The following SAMD8 variants were observed in gnomAD, a reference collection of about 807,000 sequenced individuals.
SAMD8 encodes the protein sterile alpha motif domain containing 8.
In SAMD8, 20 loss-of-function variants were observed where a neutral mutation model predicts 42.0. The ratio of observed to expected loss-of-function variants is 0.48; its 90% confidence interval spans 0.34 to 0.69. The LOEUF is 0.69. Ranked by LOEUF, SAMD8 falls within the 30% of genes least tolerant of loss-of-function variation. The probability of loss-of-function intolerance (pLI) is 0.01; values close to 1 mark genes in which losing one functional copy is unlikely to be tolerated. For synonymous variants in SAMD8, 162 were observed against 173.0 expected, an observed-to-expected ratio of 0.94 and a Z score of 0.50; for missense variants, 328 against 511.6, an observed-to-expected ratio of 0.64 and a Z score of 3.46.
At chr10:75,126,110 CTATT>C (rs1361683151) in intron 1 of SAMD8, among the ~76,000 whole-genome samples, 4 of 152,128 alleles carry the variant, frequency 2.6e-5, no homozygotes, top group Middle Eastern at 3.4e-3. Context: ...ATTTATTGAT[CTATT>C]TATTTATTTT....
chr10:75,135,225 G>T (rs1454004329), intron 1 of SAMD8, among the ~76,000 whole-genome samples: 1 of 151,964 alleles, frequency 6.6e-6, no homozygotes, highest in Non-Finnish European at 1.5e-5. Flanking sequence ...GGCCGAGGCG[G>T]GCTGATCACC....
intron 1 of SAMD8, among the ~76,000 whole-genome samples, chr10:75,141,442 C>A (rs551182505): frequency 6.6e-6 from 1 of 151,448 alleles, no homozygotes; most frequent in African/African-American, 2.4e-5. Context: ...ATTCTAGTAA[C>A]TGTTTTTGGT....
At chr10:75,105,626 C>A in intron 1 of SAMD8, 1 of 1,539,154 alleles carries the variant, frequency 6.5e-7, no homozygotes, top group Non-Finnish European at 8.8e-7. Flanking sequence ...CCTCTTCCGG[C>A]CAACCACATC....
At position 75,150,678 on chromosome 10, in the gene SAMD8, T is replaced by G. The variant is rs577208595; in HGVS notation, c.150T>G (p.Tyr50Ter). Residue 50 changes from tyrosine to a stop codon, truncating the protein, a stop_gained, in exon 2 of 6, where the codon TAT (tyrosine) becomes TAG (stop). Coordinates refer to ENST00000542569, the MANE Select transcript of SAMD8 (RefSeq NM_001174156.2). LOFTEE classifies it high-confidence loss of function. ...TCACATTGCTAACATTGACTGAATATGATCTCCGGTCTCCTCCTCTGGAAA... is the reference window on the plus strand; with the variant it reads ...TCACATTGCTAACATTGACTGAATAGGATCTCCGGTCTCCTCCTCTGGAAA... Reference protein sequence around the residue: ...DGITLLTLTEYDLRSPPLEIK... With the variant: ...DGITLLTLTE 6.2e-7 allele frequency: 1 copy of G among 1,614,214 alleles called. No homozygotes were observed. Among genetic ancestry groups the G allele is most frequent in the African/African-American group, 1.3e-5 (1 of 75,054 alleles).
At chr10:75,129,206 G>A (rs570265028) in intron 1 of SAMD8, among the ~76,000 whole-genome samples, 4 of 151,492 alleles carry the variant, frequency 2.6e-5, no homozygotes, top group African/African-American at 4.8e-5. Context: ...CTATAGCCTG[G>A]AAGTCCCCAG....
intron 1 of SAMD8, among the ~76,000 whole-genome samples, chr10:75,119,687 G>C (rs1165454739): frequency 6.6e-6 from 1 of 152,214 alleles, no homozygotes; most frequent in East Asian, 1.9e-4. Context: ...TTAAGTCACT[G>C]TAATCACCAT....
intron 1 of SAMD8, chr10:75,104,177 G>A (rs1848353254): frequency 1.9e-6 from 2 of 1,067,208 alleles, no homozygotes; most frequent in Admixed American, 2.4e-5. Context: ...GCAGGGATAA[G>A]AGCTGTCACC....
rs548304772 is a variant in SAMD8 at position 75,117,242 on chromosome 10, G to C, written c.-16+5520G>C. Among the ~76,000 whole-genome samples the C allele has an allele frequency of 2.7e-5, 4 of 150,448 alleles. No individual in the cohort carries two copies. In the South Asian group the frequency reaches 8.7e-4, roughly 33 times the overall value. ...GTTTGAGACCAGCCTGAGCAACATA[G>C]TGAGACCTCGTCTCTACTAAAAATA... On this transcript the variant is annotated intron_variant, in intron 1 of 5. Coordinates refer to ENST00000542569, the MANE Select transcript of SAMD8 (RefSeq NM_001174156.2).
chr10:75,105,619 C>A (rs768750242), intron 1 of SAMD8: 128 of 1,528,766 alleles, frequency 8.4e-5, no homozygotes, highest in Non-Finnish European at 1.1e-4. Flanking sequence ...CACCTGGCCT[C>A]TTCCGGCCAA....
intron 1 of SAMD8, among the ~76,000 whole-genome samples, chr10:75,134,168 C>T (rs1199627104): frequency 6.6e-6 from 1 of 152,144 alleles, no homozygotes; most frequent in Non-Finnish European, 1.5e-5. Flanking sequence ...GAGCAACACA[C>T]ACTGGGCCTG....
chr10:75,152,276 A>C (rs1840307164), intron 2 of SAMD8, among the ~76,000 whole-genome samples: 1 of 151,298 alleles, frequency 6.6e-6, no homozygotes, highest in African/African-American at 2.4e-5. Context: ...TAATCCCAGC[A>C]CTTTGGGAGG....
intron 1 of SAMD8, among the ~76,000 whole-genome samples, chr10:75,146,458 G>C (rs536553917): frequency 6.6e-6 from 1 of 151,680 alleles, no homozygotes; most frequent in East Asian, 1.9e-4. Context: ...CTAATTTTTT[G>C]TATTTTTGGT....
intron 1 of SAMD8, among the ~76,000 whole-genome samples, chr10:75,122,033 G>T (rs1849016181): frequency 6.6e-6 from 1 of 152,012 alleles, no homozygotes; most frequent in African/African-American, 2.4e-5. Flanking sequence ...AATGAGATTT[G>T]CTTCAAACAG....
chr10:75,176,416 C>T lies in SAMD8; in HGVS notation c.972C>T (p.His324=). The stretch of plus-strand genomic sequence containing the variant: ...CACCAAGAAGCTGGAATTTCTTGCA[C>T]ACTTTATCCTGGGTTCTCAACCTCT... ...EYTPRSWNFL[H]TLSWVLNLFG... Residue 324 remains histidine, a synonymous_variant, in exon 6 of 6, where the codon CAC becomes CAT. Transcript: ENST00000542569. This position sits in a 1 kb window ranked among gnomAD's most constrained non-coding sequence, Gnocchi z 4.3. 6.5e-7 allele frequency: 1 copy of T among 1,546,238 alleles called. No individual in the cohort carries two copies. Among genetic ancestry groups the T allele is most frequent in the Non-Finnish European group, 8.7e-7 (1 of 1,145,718 alleles).
intron 1 of SAMD8, among the ~76,000 whole-genome samples, chr10:75,112,224 C>A (rs1848786568): frequency 6.6e-6 from 1 of 152,114 alleles, no homozygotes; most frequent in Non-Finnish European, 1.5e-5. Context: ...CCTCCCACCC[C>A]GGGTGGGGCT....
rs1004773009 is a variant in SAMD8 at position 75,152,330 on chromosome 10, G to A, written c.578+1224G>A. On this transcript the variant is annotated intron_variant, in intron 2 of 5. Transcript: ENST00000542569. ...GAGGTCAGGAGATCGAGACCATCCCGGCTAAAACGGTGAAACCCCGTCTCT... is the reference window on the plus strand; with the variant it reads ...GAGGTCAGGAGATCGAGACCATCCCAGCTAAAACGGTGAAACCCCGTCTCT... 2.0e-4 allele frequency among the ~76,000 whole-genome samples: 29 copies of A among 147,390 alleles called. 1 individual carries two copies. The highest frequency in any genetic ancestry group is 8.3e-4 in the East Asian group (4 of 4,832).
chr10:75,133,577 A>G (rs1849320833), intron 1 of SAMD8, among the ~76,000 whole-genome samples: 1 of 152,250 alleles, frequency 6.6e-6, no homozygotes, highest in African/African-American at 2.4e-5. Flanking sequence ...ACAGATAAAT[A>G]GAGAAAATGT....
At chr10:75,135,052 C>A (rs1421489468) in intron 1 of SAMD8, among the ~76,000 whole-genome samples, 2 of 151,706 alleles carry the variant, frequency 1.3e-5, no homozygotes, top group Admixed American at 6.6e-5. Flanking sequence ...GAGAACAAGA[C>A]CCTGTCTCTA....
chr10:75,145,756 A>G (rs1028843197), intron 1 of SAMD8, among the ~76,000 whole-genome samples: 4 of 152,156 alleles, frequency 2.6e-5, no homozygotes, highest in African/African-American at 9.7e-5. Flanking sequence ...GACATTGCCA[A>G]ATGTTCCAGG....
Sources: allele counts gnomAD v4.1 joint callset (sites outside exome capture counted in the v4.1 genomes callset), GRCh38; gene constraint gnomAD v4.1.1; non-coding constraint Gnocchi (gnomAD v3.1); transcripts MANE v1.5; gene names NCBI Gene and HGNC (gene_info 2026-07-23, HGNC 2026-07-21).